SYN3: variants seen among roughly 807,000 people sequenced by gnomAD.
SYN3 encodes synapsin-3.
Under a neutral mutation model 65.8 loss-of-function variants are expected in SYN3, and 35 were observed. The ratio of observed to expected loss-of-function variants is 0.53; its 90% CI spans 0.41 to 0.70. SYN3 has a LOEUF of 0.70. Among genes scored for constraint, SYN3 ranks in the 30% least tolerant of loss-of-function variants. The pLI, the probability that SYN3 is intolerant of heterozygous loss-of-function variation, is 0.00. For missense variants in SYN3, 680 were observed against 749.0 expected, an observed-to-expected ratio of 0.91 and a Z score of 1.08; for synonymous variants, 270 against 292.9, an observed-to-expected ratio of 0.92 and a Z score of 0.80.
chr22:32,864,159 T>C (rs2048624037), intron 6 of SYN3, among the ~76,000 whole-genome samples: 1 of 152,200 alleles, frequency 6.6e-6, no homozygotes, highest in African/African-American at 2.4e-5. Context: ...GTATACTCTA[T>C]TCATTATTCT....
At chr22:32,809,894 A>G (rs563931343) in intron 6 of SYN3, among the ~76,000 whole-genome samples, 1 of 152,228 alleles carries the variant, frequency 6.6e-6, no homozygotes, top group South Asian at 2.1e-4. Flanking sequence ...CCAGCTTAGC[A>G]TCTCTTCTCC....
chr22:32,895,801 G>T (rs1443865640), intron 4 of SYN3, among the ~76,000 whole-genome samples: 1 of 152,152 alleles, frequency 6.6e-6, no homozygotes, highest in African/African-American at 2.4e-5. Flanking sequence ...GGGGTTCAAA[G>T]GGAGCCAGCA....
intron 2 of SYN3, among the ~76,000 whole-genome samples, chr22:32,996,687 C>G (rs538232630): frequency 6.6e-6 from 1 of 152,192 alleles, no homozygotes; most frequent in African/African-American, 2.4e-5. Context: ...CCTGAGATCC[C>G]TTGGTGCTTT....
chr22:32,677,437 T>C (rs1056885950), intron 6 of SYN3, among the ~76,000 whole-genome samples: 2 of 152,142 alleles, frequency 1.3e-5, no homozygotes, highest in South Asian at 2.1e-4. Context: ...GTGGAATAAA[T>C]TGTGGCTCAA....
At chr22:32,785,926 C>T (rs1353518053) in intron 6 of SYN3, among the ~76,000 whole-genome samples, 1 of 152,088 alleles carries the variant, frequency 6.6e-6, no homozygotes, top group Non-Finnish European at 1.5e-5. Flanking sequence ...ATGACAGAAC[C>T]TGTCTTGCTT....
intron 1 of SYN3, among the ~76,000 whole-genome samples, chr22:33,045,862 C>A (rs1569421853): frequency 6.6e-6 from 1 of 151,966 alleles, no homozygotes; most frequent in Non-Finnish European, 1.5e-5. Context: ...CCTATAGCTC[C>A]CACCTTTCCC....
At chr22:32,956,752 T>C (rs910230747) in intron 3 of SYN3, among the ~76,000 whole-genome samples, 2 of 152,180 alleles carry the variant, frequency 1.3e-5, no homozygotes, top group Non-Finnish European at 2.9e-5. Flanking sequence ...GGTGTACAAA[T>C]ATCTGTTCAA....
intron 7 of SYN3, among the ~76,000 whole-genome samples, chr22:32,556,637 A>G (rs2058500421): frequency 6.6e-6 from 1 of 151,964 alleles, no homozygotes. Context: ...GTTCTCCTCT[A>G]ACAGTAAATA....
intron 5 of SYN3, among the ~76,000 whole-genome samples, chr22:32,865,895 A>T (rs1344313381): frequency 6.6e-6 from 1 of 152,104 alleles, no homozygotes; most frequent in African/African-American, 2.4e-5. Flanking sequence ...AGTCAGGATG[A>T]TCCCCTGGAG....
intron 6 of SYN3, among the ~76,000 whole-genome samples, chr22:32,776,746 T>G (rs1027415304): frequency 1.3e-5 from 2 of 152,172 alleles, no homozygotes; most frequent in African/African-American, 4.8e-5. Context: ...ACAGAGGGCA[T>G]GAAAAGCATT....
intron 7 of SYN3, among the ~76,000 whole-genome samples, chr22:32,590,892 T>C (rs151291821): frequency 4.5e-4 from 69 of 152,356 alleles, no homozygotes; most frequent in Non-Finnish European, 8.8e-4. Flanking sequence ...TGACATATGA[T>C]GCTATTTAAT....
In SYN3 at chr22:32,508,684, A is replaced by T. The variant is rs776803779; in HGVS notation, c.*5008T>A. Reference sequence around the variant, plus strand: ...TTCTGTTCCTGGGCAAGTGACTTCCATATATTGATACTCTTAGAAAAACAT... The same window carrying T: ...TTCTGTTCCTGGGCAAGTGACTTCCTTATATTGATACTCTTAGAAAAACAT... On this transcript the variant is annotated 3_prime_UTR_variant, in exon 14 of 14. Transcript: ENST00000358763. Among the ~76,000 whole-genome samples, 1 of 152,174 alleles carries T rather than the reference A, an allele frequency of 6.6e-6. No homozygotes were observed. The highest frequency in any genetic ancestry group is 1.5e-5 in the Non-Finnish European group (1 of 68,042).
chr22:32,898,595 G>A (rs1339515170), intron 4 of SYN3, among the ~76,000 whole-genome samples: 3 of 152,188 alleles, frequency 2.0e-5, no homozygotes, highest in Admixed American at 2.0e-4. Context: ...TGAAGAAATG[G>A]CACTGTTGTC....
intron 6 of SYN3, among the ~76,000 whole-genome samples, chr22:32,738,307 C>G (rs1244701756): frequency 6.6e-6 from 1 of 152,168 alleles, no homozygotes; most frequent in Non-Finnish European, 1.5e-5. Context: ...GAGGCACAAG[C>G]CTGACAAATG....
chr22:32,617,466 CT>C (rs1287011033), intron 6 of SYN3, among the ~76,000 whole-genome samples: 4 of 148,890 alleles, frequency 2.7e-5, no homozygotes, highest in African/African-American at 9.9e-5. Context: ...CATGACACAT[CT>C]TTTTTTTTCT....
chr22:32,528,068 G>A, intron 11 of SYN3, 63 bp from the exon 12 acceptor site: 9 of 1,274,570 alleles, frequency 7.1e-6, no homozygotes, highest in South Asian at 4.6e-5. Flanking sequence ...CTGGGTGAGA[G>A]GGCAGCATTT....
chr22:33,046,873 ACTC>A (rs1030165095), intron 1 of SYN3, among the ~76,000 whole-genome samples: 9 of 146,112 alleles, frequency 6.2e-5, no homozygotes, highest in African/African-American at 1.8e-4. Context: ...AAAAATCCAA[ACTC>A]CTTTCCACAG....
At chr22:32,685,652 A>T (rs1045308448) in intron 6 of SYN3, among the ~76,000 whole-genome samples, 7 of 152,206 alleles carry the variant, frequency 4.6e-5, no homozygotes, top group African/African-American at 1.7e-4. Flanking sequence ...AGTAGGCTAG[A>T]CTATCCAGGT....
intron 1 of SYN3, among the ~76,000 whole-genome samples, chr22:33,056,423 A>C (rs2054254696): frequency 6.6e-6 from 1 of 152,148 alleles, no homozygotes; most frequent in Non-Finnish European, 1.5e-5. Flanking sequence ...CAGCTGCCAG[A>C]GTGTTGGTTA....
Sources: allele counts gnomAD v4.1 joint callset (sites outside exome capture counted in the v4.1 genomes callset), GRCh38; gene constraint gnomAD v4.1.1; transcripts MANE v1.5; gene names NCBI Gene and HGNC (gene_info 2026-07-23, HGNC 2026-07-21).